Variants in OSBPL1A observed in about 807,000 individuals in gnomAD.
The protein encoded by OSBPL1A is oxysterol binding protein like 1A, also known as oxysterol-binding protein-related protein 1.
OSBPL1A carries 80 observed loss-of-function variants against 137.1 expected under a neutral mutation model. The ratio of observed to expected loss-of-function variants is 0.58; its 90% CI spans 0.49 to 0.70. OSBPL1A has a LOEUF of 0.70. Ranked by LOEUF, OSBPL1A falls within the 30% of genes least tolerant of loss-of-function variation. The pLI, the probability that OSBPL1A is intolerant of heterozygous loss-of-function variation, is 0.00. For missense variants in OSBPL1A, 970 were observed against 1,129.4 expected (o/e 0.86, Z 2.02); for synonymous variants, 365 against 389.7 (o/e 0.94, Z 0.75).
At chr18:24,302,156 C>T (rs1404194136) in intron 14 of OSBPL1A, among the ~76,000 whole-genome samples, 2 of 149,942 alleles carry the variant, frequency 1.3e-5, no homozygotes, top group African/African-American at 4.9e-5. Flanking sequence ...ATGGCATGAA[C>T]ACGGGAGGCG....
chr18:24,352,390 T>C (rs546958118), intron 4 of OSBPL1A, among the ~76,000 whole-genome samples: 2 of 151,762 alleles, frequency 1.3e-5, no homozygotes, highest in East Asian at 3.9e-4. Context: ...AATCTAAAAT[T>C]AGAAAAATAA....
intron 15 of OSBPL1A, among the ~76,000 whole-genome samples, chr18:24,261,111 C>T (rs1157441224): frequency 6.6e-6 from 1 of 152,040 alleles, no homozygotes; most frequent in East Asian, 1.9e-4. Context: ...CATGGATGAA[C>T]CTCAAAATAA....
At chr18:24,281,032 A>G (rs1035784144) in intron 14 of OSBPL1A, 84 bp from the exon 15 acceptor site, 1 of 756,654 alleles carries the variant, frequency 1.3e-6, no homozygotes, top group Non-Finnish European at 2.0e-6. Flanking sequence ...TCTCATATCT[A>G]TTAACCTCAT....
At chr18:24,365,749 T>C (rs1299441447) in intron 4 of OSBPL1A, among the ~76,000 whole-genome samples, 4 of 152,154 alleles carry the variant, frequency 2.6e-5, no homozygotes, top group African/African-American at 9.7e-5. Flanking sequence ...TTGGTGATGT[T>C]GCACAATTTT....
intron 4 of OSBPL1A, among the ~76,000 whole-genome samples, chr18:24,354,585 A>G (rs1199676645): frequency 1.3e-5 from 2 of 152,062 alleles, no homozygotes; most frequent in Non-Finnish European, 2.9e-5. Flanking sequence ...ATCAGTAGAT[A>G]TCAGAGTACC....
At chr18:24,211,780 A>G (rs2087553218) in intron 17 of OSBPL1A, among the ~76,000 whole-genome samples, 1 of 152,078 alleles carries the variant, frequency 6.6e-6, no homozygotes, top group African/African-American at 2.4e-5. Context: ...CCTGGCCAAT[A>G]TGGTGAAACT....
chr18:24,248,648 T>C (rs1261643391), intron 15 of OSBPL1A, among the ~76,000 whole-genome samples: 1 of 152,244 alleles, frequency 6.6e-6, no homozygotes, highest in Non-Finnish European at 1.5e-5. Flanking sequence ...ATCTGTTAGA[T>C]CGATTACTTC....
intron 4 of OSBPL1A, among the ~76,000 whole-genome samples, chr18:24,360,659 C>A (rs943797476): frequency 2.0e-5 from 3 of 152,112 alleles, no homozygotes; most frequent in Non-Finnish European, 4.4e-5. Context: ...AAAAAAAAAT[C>A]GATTCTTGGA....
intron 14 of OSBPL1A, among the ~76,000 whole-genome samples, chr18:24,302,933 C>T (rs2090430153): frequency 1.3e-5 from 2 of 152,016 alleles, no homozygotes; most frequent in Non-Finnish European, 1.5e-5. Flanking sequence ...TTCGAAGTAA[C>T]AGCCGGTAAG....
At chr18:24,307,007 A>G (rs1599643727) in intron 13 of OSBPL1A, among the ~76,000 whole-genome samples, 1 of 151,882 alleles carries the variant, frequency 6.6e-6, no homozygotes, top group African/African-American at 2.4e-5. Flanking sequence ...ATGTAATCCC[A>G]GCACTTTGGG....
intron 11 of OSBPL1A, among the ~76,000 whole-genome samples, chr18:24,314,718 T>C (rs993294227): frequency 2.0e-5 from 3 of 152,064 alleles, no homozygotes; most frequent in African/African-American, 7.2e-5. Context: ...TTGAGCTGAG[T>C]ATAAAATAAT....
intron 24 of OSBPL1A, among the ~76,000 whole-genome samples, 173 bp downstream of exon 24, chr18:24,170,154 G>A (rs1039817361): frequency 3.9e-5 from 6 of 152,046 alleles, no homozygotes; most frequent in African/African-American, 7.2e-5. Context: ...ACAAGGCTAT[G>A]CCGAGTACTT....
At chr18:24,293,152 C>T (rs1028751028) in intron 14 of OSBPL1A, among the ~76,000 whole-genome samples, 2 of 130,554 alleles carry the variant, frequency 1.5e-5, no homozygotes, top group Non-Finnish European at 3.4e-5. Context: ...AAAATTAAAA[C>T]GTTAACTGAG....
At chr18:24,259,575 G>A (rs1431131527) in intron 15 of OSBPL1A, among the ~76,000 whole-genome samples, 1 of 152,106 alleles carries the variant, frequency 6.6e-6, no homozygotes, top group Non-Finnish European at 1.5e-5. Flanking sequence ...TTTGACAGTA[G>A]GAACAGCCCC....
chr18:24,268,759 T>C (rs985734409), intron 15 of OSBPL1A, among the ~76,000 whole-genome samples: 4 of 152,192 alleles, frequency 2.6e-5, no homozygotes, highest in African/African-American at 9.7e-5. Flanking sequence ...TTCAATCTTT[T>C]GATTTCAAAC....
intron 21 of OSBPL1A, among the ~76,000 whole-genome samples, chr18:24,174,595 T>C (rs1404067292): frequency 6.6e-6 from 1 of 152,200 alleles, no homozygotes; most frequent in Non-Finnish European, 1.5e-5. Context: ...CTGTATGAGA[T>C]TTCTAGCTCC....
chr18:24,274,961 G>A (rs2089813021), intron 15 of OSBPL1A, among the ~76,000 whole-genome samples: 1 of 151,834 alleles, frequency 6.6e-6, no homozygotes, highest in South Asian at 2.1e-4. Flanking sequence ...ACAAAGGAAG[G>A]AGAAGCCAAA....
rs1212341506 is a variant in OSBPL1A, at chr18:24,331,677, T to A, written c.625+1265A>T. On this transcript the variant is annotated intron_variant, in intron 7 of 27. Transcript: ENST00000319481. ...TCCCAAAGTGCTGGGATTACAGGCA[T>A]GAGCCACCGCGCCCGGCGGCATGTT... Among the ~76,000 whole-genome samples the A allele has an allele frequency of 4.0e-5, 6 of 150,774 alleles. No homozygotes were observed. In the East Asian group the frequency reaches 1.2e-3, roughly 29 times the overall value.
At chr18:24,257,929 T>C (rs2089330752) in intron 15 of OSBPL1A, among the ~76,000 whole-genome samples, 1 of 152,192 alleles carries the variant, frequency 6.6e-6, no homozygotes, top group South Asian at 2.1e-4. Flanking sequence ...TGAGGTATCA[T>C]CTCATCCCAG....
Sources: gnomAD v4.1 joint callset for allele counts (sites outside exome capture counted in the v4.1 genomes callset) on GRCh38, gnomAD v4.1.1 for gene constraint, MANE v1.5 for transcripts, NCBI Gene and HGNC (gene_info 2026-07-23, HGNC 2026-07-21) for gene names.